The following KLHL3 variants were observed in gnomAD, a reference collection of about 807,000 sequenced individuals.
The protein encoded by KLHL3 is kelch-like protein 3.
Under a neutral mutation model 70.5 loss-of-function variants are expected in KLHL3, and 19 were observed. The ratio of observed to expected loss-of-function variants is 0.27; its 90% confidence interval spans 0.19 to 0.40. KLHL3 has a LOEUF of 0.40. Among genes scored for constraint, KLHL3 ranks in the 10% least tolerant of loss-of-function variants. The pLI, the probability that KLHL3 is intolerant of heterozygous loss-of-function variation, is 1.00. For missense variants in KLHL3, 512 were observed against 771.1 expected, an observed-to-expected ratio of 0.66 and a Z score of 3.98; for synonymous variants, 258 against 290.3, an observed-to-expected ratio of 0.89 and a Z score of 1.13.
Position 137,692,434 on chromosome 5 carries a change from G to C in KLHL3, c.377C>G (p.Ala126Gly). 6.2e-7 allele frequency: 1 copy of C among 1,614,000 alleles called. No homozygotes were observed. Residue 126 changes from alanine to glycine, a missense_variant, in exon 5 of 15, where the codon GCA becomes GGA. Transcript: ENST00000309755. ...ATCCATGAGCTGCAGCAAGCTGGCTGCCGGGAGCAGCACCTGCAAGAGAAG... is the reference window on the plus strand; with the variant it reads ...ATCCATGAGCTGCAGCAAGCTGGCTCCCGGGAGCAGCACCTGCAAGAGAAG... ...TEENVQVLLP[A>G]ASLLQLMDVR...
chr5:137,657,356 G>C (rs1184746799), intron 8 of KLHL3, among the ~76,000 whole-genome samples: 1 of 152,134 alleles, frequency 6.6e-6, no homozygotes. Flanking sequence ...CCTTCCCCCA[G>C]ACATCAGCAT....
rs577979312 is a variant in KLHL3, at chr5:137,658,669, T to C, written c.754-389A>G. ...TTCTCCTGATTTGAATGCATTATAA[T>C]GCTTAGGGCAAACAGACATCTGAGA... On this transcript the variant is annotated intron_variant, in intron 7 of 14. Coordinates refer to ENST00000309755, the MANE Select transcript of KLHL3 (RefSeq NM_017415.3). Among the ~76,000 whole-genome samples the C allele has an allele frequency of 5.3e-5, 8 of 152,284 alleles. No individual in the cohort carries two copies. The East Asian group carries it at 1.3e-3, about 26-fold the overall frequency.
intron 5 of KLHL3, among the ~76,000 whole-genome samples, chr5:137,679,956 G>A (rs548654843): frequency 8.5e-5 from 13 of 152,310 alleles, no homozygotes; most frequent in Admixed American, 3.3e-4. Context: ...ATGCCTTCCC[G>A]TTTCCATTTA....
intron 3 of KLHL3, chr5:137,706,190 G>C: frequency 2.0e-6 from 2 of 985,388 alleles, no homozygotes; most frequent in South Asian, 9.4e-5. Context: ...TTGAGTAAAA[G>C]ACCATAATCA....
chr5:137,631,069 C>CAAAAAAA (rs70979549), intron 12 of KLHL3, among the ~76,000 whole-genome samples: 32 of 105,766 alleles, frequency 3.0e-4, no homozygotes, highest in Non-Finnish European at 3.8e-4. Flanking sequence ...TCCAAAAATA[C>CAAAAAAA]AAAAAAAAAA....
rs1750288289 is a variant in KLHL3 at position 137,621,333 on chromosome 5, TA to T, written c.*764del. On this transcript the variant is annotated 3_prime_UTR_variant, in exon 15 of 15. Coordinates refer to ENST00000309755, the MANE Select transcript of KLHL3 (RefSeq NM_017415.3). ...CATAACACCTCCCAGGCCTGGAATC[TA>T]TGACATCAAAGACCAATGGCCTAAA... The T allele has an allele frequency of 6.6e-6, 1 of 152,646 alleles. No individual in the cohort carries two copies. Among genetic ancestry groups the T allele is most frequent in the Non-Finnish European group, 1.5e-5 (1 of 68,048 alleles). The allele number at this position is 152,646 out of a possible 1,614,324, so 9.5% of individuals were successfully genotyped here.
At position 137,687,253 on chromosome 5, in the gene KLHL3, G is replaced by T. The variant is rs1212294249; in HGVS notation, c.526+5032C>A. Among the ~76,000 whole-genome samples the T allele has an allele frequency of 5.1e-5, 2 of 39,272 alleles. 1 individual carries two copies. The highest frequency in any genetic ancestry group is 9.7e-5 in the Non-Finnish European group (2 of 20,680). The allele number at this position is 39,272 out of a possible 152,430, so 25.8% of individuals were successfully genotyped here. ...CCCCGTCCGGGAGGGAGGCGCGGGG[G>T]GGGGTCGGCCAGCCGCCCTGTCCGG... On this transcript the variant is annotated intron_variant, in intron 5 of 14. Coordinates refer to ENST00000309755, the MANE Select transcript of KLHL3 (RefSeq NM_017415.3).
At chr5:137,664,569 G>A (rs138721777) in intron 6 of KLHL3, among the ~76,000 whole-genome samples, 128 of 151,726 alleles carry the variant, frequency 8.4e-4, no homozygotes, top group African/African-American at 2.9e-3. Context: ...GGCTTACACT[G>A]GTAATCCCAG....
intron 5 of KLHL3, among the ~76,000 whole-genome samples, chr5:137,679,838 C>T (rs1292365230): frequency 1.3e-5 from 2 of 152,206 alleles, no homozygotes; most frequent in Non-Finnish European, 2.9e-5. Flanking sequence ...GAAGGGGCAA[C>T]AAGAGAAATA....
chr5:137,713,784 A>C (rs1241435849), intron 2 of KLHL3, among the ~76,000 whole-genome samples: 3 of 152,266 alleles, frequency 2.0e-5, no homozygotes, highest in Admixed American at 6.5e-5. Context: ...CATCTACCTG[A>C]TAATGAGCTT....
At chr5:137,720,719 A>T in intron 1 of KLHL3, 135 bp from the exon 2 acceptor site, 5 of 1,495,830 alleles carry the variant, frequency 3.3e-6, no homozygotes, top group Non-Finnish European at 4.4e-6. Context: ...ACCCAATAGG[A>T]AAGACAATGT....
chr5:137,709,953 A>G (rs1752761376), intron 2 of KLHL3, 97 bp from the exon 3 acceptor site: 1 of 901,162 alleles, frequency 1.1e-6, no homozygotes, highest in African/African-American at 1.6e-5. Context: ...ATTTCACACT[A>G]TCACTATACA....
intron 8 of KLHL3, among the ~76,000 whole-genome samples, chr5:137,647,802 G>A (rs568988347): frequency 6.6e-6 from 1 of 152,294 alleles, no homozygotes; most frequent in East Asian, 1.9e-4. Context: ...GCAAGGCCCG[G>A]GGGGAGAGAA....
At chr5:137,702,402 T>C (rs1191547936) in intron 3 of KLHL3, among the ~76,000 whole-genome samples, 3 of 152,086 alleles carry the variant, frequency 2.0e-5, no homozygotes, top group Non-Finnish European at 4.4e-5. Flanking sequence ...GACAGAATAG[T>C]ATATACAAAG....
chr5:137,702,291 T>C (rs1255723098), intron 3 of KLHL3, among the ~76,000 whole-genome samples: 3 of 152,208 alleles, frequency 2.0e-5, no homozygotes, highest in Non-Finnish European at 4.4e-5. Context: ...TAGAGTCCAT[T>C]GTTTTCATCA....
At chr5:137,632,989 A>C (rs988024571) in intron 12 of KLHL3, among the ~76,000 whole-genome samples, 3 of 152,178 alleles carry the variant, frequency 2.0e-5, no homozygotes, top group African/African-American at 7.2e-5. Flanking sequence ...ATTACTAAAA[A>C]GTCAAAAAAG....
rs1477026933 is a variant in KLHL3 at position 137,625,939 on chromosome 5, C to G, written c.1592-43G>C. ...GCCATGGGAGACATCACAGCAGGTG[C>G]ACTAAGAGATCAGAATTGATCAAGA... On this transcript the variant is annotated intron_variant, in intron 13 of 14. Coordinates refer to ENST00000309755, the MANE Select transcript of KLHL3 (RefSeq NM_017415.3). 5 of 1,612,566 alleles carry G rather than the reference C, an allele frequency of 3.1e-6. No homozygotes were observed. The Admixed American group carries it at 6.7e-5, about 22-fold the overall frequency.
intron 1 of KLHL3, among the ~76,000 whole-genome samples, chr5:137,730,640 G>A (rs1265464669): frequency 2.6e-5 from 4 of 152,152 alleles, no homozygotes; most frequent in African/African-American, 9.7e-5. Context: ...CTCTTAAGTG[G>A]GCTGTGTAAA....
intron 5 of KLHL3, among the ~76,000 whole-genome samples, chr5:137,685,414 A>C (rs1300415407): frequency 6.6e-6 from 1 of 152,260 alleles, no homozygotes; most frequent in Non-Finnish European, 1.5e-5. Context: ...GTATTGTCAA[A>C]CAAAAGTACA....
Sources: gnomAD v4.1 joint callset for allele counts (sites outside exome capture counted in the v4.1 genomes callset) on GRCh38, gnomAD v4.1.1 for gene constraint, MANE v1.5 for transcripts, NCBI Gene and HGNC (gene_info 2026-07-23, HGNC 2026-07-21) for gene names.